The following HERC1 variants were observed in gnomAD, a reference collection of about 807,000 sequenced individuals.
The protein encoded by HERC1 is HECT and RLD domain containing E3 ubiquitin protein ligase family member 1.
In HERC1, 160 loss-of-function variants were observed where a neutral mutation model predicts 554.3. The observed-to-expected ratio is 0.29, with a 90% confidence interval of 0.25 to 0.33. HERC1 has a LOEUF of 0.33. Among genes scored for constraint, HERC1 ranks in the 10% least tolerant of loss-of-function variants. HERC1 has a pLI of 1.00. For synonymous variants in HERC1, 2,175 were observed against 2,131.7 expected (o/e 1.02, Z -0.56); for missense variants, 4,919 against 5,918.5 (o/e 0.83, Z 5.54).
intron 16 of HERC1, among the ~76,000 whole-genome samples, chr15:63,728,352 T>C (rs1013126731): frequency 2.0e-5 from 3 of 152,328 alleles, no homozygotes; most frequent in Non-Finnish European, 4.4e-5. Flanking sequence ...ATAATCCATA[T>C]TGGTTTTAAA....
chr15:63,665,315 C>T (rs183054508), intron 42 of HERC1, among the ~76,000 whole-genome samples: 2 of 152,260 alleles, frequency 1.3e-5, no homozygotes, highest in Admixed American at 1.3e-4. Flanking sequence ...GGGTGGATCA[C>T]GAAGTCTGGA....
chr15:63,779,067 T>C (rs186159885), intron 1 of HERC1, among the ~76,000 whole-genome samples: 8 of 151,336 alleles, frequency 5.3e-5, no homozygotes, highest in African/African-American at 1.7e-4. Context: ...CAAGGAAGAG[T>C]AGACTCAATG....
intron 3 of HERC1, among the ~76,000 whole-genome samples, chr15:63,760,230 CA>C (rs1173738698): frequency 1.4e-5 from 2 of 147,578 alleles, no homozygotes; most frequent in Non-Finnish European, 1.5e-5. Context: ...ACATTACACA[CA>C]AAAAAAAACA....
intron 1 of HERC1, among the ~76,000 whole-genome samples, chr15:63,809,913 T>C (rs61266201): frequency 0.034 from 5,178 of 152,134 alleles, 139 homozygotes; most frequent in African/African-American, 0.077. Context: ...CCCCTGGGTT[T>C]AAGCAATCCT....
chr15:63,743,949 T>C lies in HERC1; in HGVS notation c.2520+2969A>G, dbSNP rs138392113. Among the ~76,000 whole-genome samples, 89 of 151,760 alleles carry C rather than the reference T, an allele frequency of 5.9e-4. 2 individuals are homozygous for C. Among genetic ancestry groups the C allele is most frequent in the African/African-American group, 2.0e-3 (82 of 41,298 alleles). On this transcript the variant is annotated intron_variant, in intron 12 of 77. Transcript: ENST00000443617. ...CCATCCTTCTTGGGCTTTCCAGATA[T>C]TTTAAAGGACTTGGGTATTATGATC...
chr15:63,674,175 AT>A (rs1451123950), intron 38 of HERC1, among the ~76,000 whole-genome samples, 166 bp downstream of exon 38: 2 of 152,052 alleles, frequency 1.3e-5, no homozygotes, highest in Non-Finnish European at 2.9e-5. Context: ...TAATAGAAAA[AT>A]AATAAAAAAG....
At chr15:63,831,633 T>A (rs2078158013) in intron 1 of HERC1, among the ~76,000 whole-genome samples, 1 of 152,154 alleles carries the variant, frequency 6.6e-6, no homozygotes, top group African/African-American at 2.4e-5. Flanking sequence ...TCCTTCAATA[T>A]ACCCAGCCCC....
intron 77 of HERC1, among the ~76,000 whole-genome samples, chr15:63,611,681 A>G (rs1266854513): frequency 1.3e-5 from 2 of 152,142 alleles, no homozygotes; most frequent in Admixed American, 1.3e-4. Flanking sequence ...GCTTTAACTC[A>G]GGAAGATGCT....
intron 45 of HERC1, 119 bp from the exon 46 acceptor site, chr15:63,661,144 T>C: frequency 1.4e-6 from 1 of 739,380 alleles, no homozygotes; most frequent in South Asian, 1.6e-5. Flanking sequence ...AATAAAAAAG[T>C]ATGTTTCATG....
At position 63,724,082 on chromosome 15, in the gene HERC1, A is replaced by G. The variant is rs570109492; in HGVS notation, c.3569-727T>C. ...ATACAAGTAAACAAAATAAAATTTT[A>G]ATAGTTTCATGATTTTATAACTTAA... On this transcript the variant is annotated intron_variant, in intron 18 of 77. Coordinates refer to ENST00000443617, the MANE Select transcript of HERC1 (RefSeq NM_003922.4). Among the ~76,000 whole-genome samples the G allele has an allele frequency of 2.6e-5, 4 of 152,368 alleles. No individual in the cohort carries two copies. The South Asian group carries it at 8.3e-4, about 32-fold the overall frequency.
chr15:63,685,382 CTAA>C (rs530304594), intron 34 of HERC1, among the ~76,000 whole-genome samples: 32 of 152,322 alleles, frequency 2.1e-4, no homozygotes, highest in African/African-American at 7.2e-4. Context: ...TACAGGTGCC[CTAA>C]TAATTATAAA....
chr15:63,768,003 C>A (rs973804106), intron 2 of HERC1, among the ~76,000 whole-genome samples: 1 of 151,796 alleles, frequency 6.6e-6, no homozygotes, highest in Non-Finnish European at 1.5e-5. Context: ...TCCGTTATCG[C>A]CCCACCCCAT....
chr15:63,767,293 G>T (rs971423539), intron 2 of HERC1, among the ~76,000 whole-genome samples: 1 of 151,002 alleles, frequency 6.6e-6, no homozygotes, highest in Non-Finnish European at 1.5e-5. Context: ...GTGAGCCACC[G>T]CGCCTGGCCT....
chr15:63,689,629 G>T lies in HERC1; in HGVS notation c.6008C>A (p.Ala2003Asp). 6.3e-7 allele frequency: 1 copy of T among 1,581,982 alleles called. No homozygotes were observed. Among genetic ancestry groups the T allele is most frequent in the Non-Finnish European group, 8.6e-7 (1 of 1,162,394 alleles). Residue 2003 changes from alanine to aspartate, a missense_variant, in exon 33 of 78, where the codon GCT becomes GAT. Around this residue, in one of 11 missense-constraint regions of HERC1, gnomAD observed 1,121 missense variants for 1,244.0 expected, o/e 0.90. Transcript: ENST00000443617. ...TTGTTCTTTTTCCTTTATCTGAATA[G>T]CATGTTTGGCCTGAGCAATGGGTGT... The part of the protein sequence containing the change: ...WETPIAQAKH[A>D]IQIKEKEQEI...
At chr15:63,743,292 T>G (rs1483625153) in intron 12 of HERC1, among the ~76,000 whole-genome samples, 1 of 143,474 alleles carries the variant, frequency 7.0e-6, no homozygotes, top group Non-Finnish European at 1.5e-5. Flanking sequence ...AAATGGAGTC[T>G]CACTCTGTCA....
chr15:63,803,648 A>G (rs1304538827), intron 1 of HERC1, among the ~76,000 whole-genome samples: 1 of 152,228 alleles, frequency 6.6e-6, no homozygotes, highest in Non-Finnish European at 1.5e-5. Context: ...TTGCCAATTC[A>G]GTTCCTTCTT....
Position 63,654,300 on chromosome 15 carries a change from AG to A in HERC1, c.10108del (p.Leu3370TrpfsTer62). 1 of 1,613,704 alleles carries A rather than the reference AG, an allele frequency of 6.2e-7. No homozygotes were observed. The highest frequency in any genetic ancestry group is 8.5e-7 in the Non-Finnish European group (1 of 1,179,718). On this transcript the variant is annotated frameshift_variant, in exon 51 of 78. Coordinates refer to ENST00000443617, the MANE Select transcript of HERC1 (RefSeq NM_003922.4). LOFTEE classifies it high-confidence loss of function. ...KKGPLELANA[L>X]AACCLSSRLS... ...CCTGGAGGAGAGGCAGCAGGCTGCC[AG>A]GGCATTAGCCAACTCCAGAGGGCCT...
intron 1 of HERC1, among the ~76,000 whole-genome samples, chr15:63,792,583 T>C (rs919342012): frequency 1.3e-5 from 2 of 152,210 alleles, no homozygotes; most frequent in Non-Finnish European, 2.9e-5. Context: ...TCATAATATA[T>C]GGTGTGGTTT....
Position 63,669,643 on chromosome 15 carries a change from T to A in HERC1, c.8101A>T (p.Thr2701Ser), listed in dbSNP as rs2070803600. The A allele has an allele frequency of 6.2e-7, 1 of 1,613,840 alleles. No individual in the cohort carries two copies. Among genetic ancestry groups the A allele is most frequent in the South Asian group, 1.1e-5 (1 of 91,072 alleles). ...TTVLPTRRAQTPPISSLPTSP... is the reference protein window; with the variant it reads ...TTVLPTRRAQSPPISSLPTSP... ...GTTGGTAACGAAGATATTGGAGGAG[T>A]CTGTGCCCGACGTGTGGGAAGTACA... The change falls in exon 40 of 78, where the codon ACT (threonine) becomes TCT (serine). Residue 2701 changes from threonine (T) to serine (S), a missense_variant. Transcript: ENST00000443617.
Sources: gnomAD v4.1 joint callset for allele counts (sites outside exome capture counted in the v4.1 genomes callset) on GRCh38, gnomAD v4.1.1 for gene constraint, gnomAD v4.1.1 regional missense constraint, MANE v1.5 for transcripts, NCBI Gene and HGNC (gene_info 2026-07-23, HGNC 2026-07-21) for gene names.